SPOCK3: variants seen among roughly 807,000 people sequenced by gnomAD.
SPOCK3 encodes SPARC (osteonectin), cwcv and kazal like domains proteoglycan 3.
SPOCK3 carries 30 observed loss-of-function variants against 56.6 expected under a neutral mutation model. The observed-to-expected ratio is 0.53, with a 90% CI of 0.40 to 0.72. The LOEUF is 0.72. Among genes scored for constraint, SPOCK3 ranks in the 30% least tolerant of loss-of-function variants. SPOCK3 has a pLI of 0.00. For synonymous variants in SPOCK3, 196 were observed against 183.3 expected (o/e 1.07, Z -0.56); for missense variants, 527 against 530.0 (o/e 0.99, Z 0.06).
Position 166,796,083 on chromosome 4 carries a change from G to A in SPOCK3, c.590-3794C>T, listed in dbSNP as rs1040420368. Among the ~76,000 whole-genome samples the A allele has an allele frequency of 3.3e-5, 5 of 152,106 alleles. No homozygotes were observed. In the East Asian group the frequency reaches 5.8e-4, roughly 18 times the overall value. The stretch of plus-strand genomic sequence containing the variant: ...GAAGGCCATCTATGAACCGGGACCT[G>A]GGCTTTGATCAGATACCGAATTTGC... On this transcript the variant is annotated intron_variant, in intron 6 of 10. Transcript: ENST00000357545.
At chr4:167,183,985 G>T (rs981158369) in intron 2 of SPOCK3, among the ~76,000 whole-genome samples, 6 of 152,144 alleles carry the variant, frequency 3.9e-5, no homozygotes, top group Admixed American at 1.3e-4. Context: ...AAGCCCAAAT[G>T]GTTCATGAGT....
intron 7 of SPOCK3, among the ~76,000 whole-genome samples, chr4:166,765,045 T>C (rs1737808489): frequency 6.6e-6 from 1 of 152,208 alleles, no homozygotes; most frequent in Non-Finnish European, 1.5e-5. Flanking sequence ...TCTTTGTTTT[T>C]TTCTTGTAAA....
chr4:167,125,304 C>T (rs1043159887), intron 2 of SPOCK3, among the ~76,000 whole-genome samples: 1 of 149,060 alleles, frequency 6.7e-6, no homozygotes, highest in Non-Finnish European at 1.5e-5. Context: ...AAGTGCCAGG[C>T]ATATAGCACT....
At chr4:167,122,581 G>C (rs952668122) in intron 2 of SPOCK3, among the ~76,000 whole-genome samples, 2 of 152,140 alleles carry the variant, frequency 1.3e-5, no homozygotes, top group Non-Finnish European at 2.9e-5. Flanking sequence ...TGAAAACATT[G>C]TCACATTGTA....
At chr4:167,108,129 G>C (rs1248932220) in intron 2 of SPOCK3, among the ~76,000 whole-genome samples, 1 of 151,824 alleles carries the variant, frequency 6.6e-6, no homozygotes, top group East Asian at 1.9e-4. Context: ...AGTTAAAATG[G>C]CTTTTATCCA....
intron 2 of SPOCK3, among the ~76,000 whole-genome samples, chr4:167,202,241 T>C (rs915265884): frequency 6.6e-6 from 1 of 152,014 alleles, no homozygotes; most frequent in Non-Finnish European, 1.5e-5. Flanking sequence ...GTTCCAATTA[T>C]GCAGTTCTAT....
intron 7 of SPOCK3, among the ~76,000 whole-genome samples, chr4:166,789,063 G>T (rs1741049072): frequency 7.5e-6 from 1 of 133,552 alleles, no homozygotes; most frequent in Admixed American, 7.3e-5. Context: ...TAAAATGCCT[G>T]AAGACATTCT....
chr4:166,871,074 T>C (rs1023423375), intron 6 of SPOCK3, among the ~76,000 whole-genome samples: 7 of 152,128 alleles, frequency 4.6e-5, no homozygotes, highest in Admixed American at 6.6e-5. Context: ...TGAACCTCTT[T>C]CTTGTATAAA....
chr4:166,858,212 C>T (rs941949338), intron 6 of SPOCK3, among the ~76,000 whole-genome samples: 1 of 152,136 alleles, frequency 6.6e-6, no homozygotes, highest in Non-Finnish European at 1.5e-5. Context: ...TAGTATCTGG[C>T]AGCATCAGGT....
chr4:167,155,096 AT>A, intron 2 of SPOCK3, among the ~76,000 whole-genome samples: 1 of 152,140 alleles, frequency 6.6e-6, no homozygotes, highest in East Asian at 1.9e-4. Context: ...ATGTATCATA[AT>A]TTATTCAAAA....
intron 6 of SPOCK3, among the ~76,000 whole-genome samples, chr4:166,817,856 C>T (rs555460575): frequency 6.6e-6 from 1 of 152,102 alleles, no homozygotes; most frequent in East Asian, 1.9e-4. Flanking sequence ...CAGATACACA[C>T]ATAGTTATAC....
At position 167,001,467 on chromosome 4, in the gene SPOCK3, T is replaced by C. The variant is rs537254036; in HGVS notation, c.236-1004A>G. On this transcript the variant is annotated intron_variant, in intron 3 of 10. Transcript: ENST00000357545. ...TGTTGTACCATGAATCACTACCTAA[T>C]TCCTTTATATTGCTGAATATTATGC... 1.5e-4 allele frequency among the ~76,000 whole-genome samples: 23 copies of C among 152,326 alleles called. No individual in the cohort carries two copies. In the South Asian group the frequency reaches 4.6e-3, roughly 30 times the overall value.
At chr4:166,896,465 G>A (rs1579570311) in intron 5 of SPOCK3, among the ~76,000 whole-genome samples, 2 of 152,232 alleles carry the variant, frequency 1.3e-5, no homozygotes, top group Admixed American at 1.3e-4. Context: ...GGGCCACCGA[G>A]GTGCATGCTT....
intron 2 of SPOCK3, among the ~76,000 whole-genome samples, chr4:167,176,583 A>C (rs1731002578): frequency 6.6e-6 from 1 of 152,228 alleles, no homozygotes. Context: ...TGTATATTAA[A>C]CTAATTTTTT....
intron 2 of SPOCK3, among the ~76,000 whole-genome samples, chr4:167,206,109 A>T (rs1734303791): frequency 6.6e-6 from 1 of 152,022 alleles, no homozygotes; most frequent in African/African-American, 2.4e-5. Context: ...GGATCACTTG[A>T]GGTCAGGAGT....
At chr4:167,208,539 T>C (rs1734567387) in intron 2 of SPOCK3, among the ~76,000 whole-genome samples, 1 of 152,106 alleles carries the variant, frequency 6.6e-6, no homozygotes, top group Non-Finnish European at 1.5e-5. Flanking sequence ...ACTAGCTATG[T>C]TATCTTGGGC....
chr4:166,950,365 C>T (rs557838226), intron 4 of SPOCK3, among the ~76,000 whole-genome samples: 75 of 151,522 alleles, frequency 4.9e-4, no homozygotes, highest in African/African-American at 1.7e-3. Flanking sequence ...GTAAAGGGAT[C>T]AATTCAACAA....
chr4:167,170,764 A>G (rs1421125676), intron 2 of SPOCK3, among the ~76,000 whole-genome samples: 1 of 152,192 alleles, frequency 6.6e-6, no homozygotes, highest in East Asian at 1.9e-4. Context: ...GAAAACCTGA[A>G]AACACTTCAG....
At chr4:167,080,894 T>G (rs1173259603) in intron 2 of SPOCK3, among the ~76,000 whole-genome samples, 1 of 150,598 alleles carries the variant, frequency 6.6e-6, no homozygotes, top group African/African-American at 2.4e-5. Context: ...TTTTTTTTTT[T>G]TTTGAGATGG....
Sources: allele counts gnomAD v4.1 joint callset (sites outside exome capture counted in the v4.1 genomes callset), GRCh38; gene constraint gnomAD v4.1.1; transcripts MANE v1.5; gene names NCBI Gene and HGNC (gene_info 2026-07-23, HGNC 2026-07-21).